Variants in MAGEC3 observed in about 807,000 individuals in gnomAD.
MAGEC3 encodes the protein melanoma-associated antigen C3.
In MAGEC3, 34 loss-of-function variants were observed where a neutral mutation model predicts 35.3. The ratio of observed to expected loss-of-function variants is 0.96; its 90% CI spans 0.73 to 1.28. The LOEUF is 1.28. Among genes scored for constraint, MAGEC3 ranks in the 50% most tolerant of loss-of-function variants. The probability of loss-of-function intolerance (pLI) is 0.00; values close to 1 mark genes in which losing one functional copy is unlikely to be tolerated. For missense variants in MAGEC3, 561 were observed against 483.6 expected (o/e 1.16, Z -1.50); for synonymous variants, 202 against 185.6 (o/e 1.09, Z -0.72).
intron 4 of MAGEC3, among the ~76,000 whole-genome samples, chrX:141,892,473 G>A (rs966861397): frequency 5.4e-5 from 6 of 111,287 alleles, no homozygotes; most frequent in African/African-American, 2.0e-4. Context: ...TGAGGAAACT[G>A]AGTCAGTATG....
At chrX:141,894,633 A>G in intron 4 of MAGEC3, 12 of 965,360 alleles carry the variant, frequency 1.2e-5, no homozygotes, top group Non-Finnish European at 1.6e-5. Context: ...TTCCCACCTC[A>G]TTTCAGACAC....
intron 4 of MAGEC3, among the ~76,000 whole-genome samples, chrX:141,890,563 C>T (rs2018033962): frequency 9.0e-6 from 1 of 111,606 alleles, no homozygotes; most frequent in Admixed American, 9.5e-5. Flanking sequence ...AATAAGGTTG[C>T]CCGTCCCTGC....
chrX:141,880,615 C>T (rs1335412463), intron 3 of MAGEC3: 19 of 378,233 alleles, frequency 5.0e-5, no homozygotes, highest in Non-Finnish European at 1.3e-5. Flanking sequence ...TGAGTGCACG[C>T]CCTGACTGTG....
intron 1 of MAGEC3, among the ~76,000 whole-genome samples, chrX:141,847,783 T>A (rs1248099418): frequency 3.6e-5 from 4 of 110,858 alleles, no homozygotes; most frequent in African/African-American, 6.5e-5. Flanking sequence ...AGTAAATTAA[T>A]CTCAACTTCT....
chrX:141,857,322 A>G (rs925415639), intron 1 of MAGEC3, among the ~76,000 whole-genome samples: 7 of 111,349 alleles, frequency 6.3e-5, no homozygotes, highest in African/African-American at 2.3e-4. Context: ...AGCTAATCAA[A>G]GCTGCTTTTT....
chrX:141,879,176 T>C lies in MAGEC3; in HGVS notation c.260T>C (p.Leu87Pro), dbSNP rs766402447. The C allele has an allele frequency of 1.5e-5, 18 of 1,171,839 alleles. No individual in the cohort carries two copies. The East Asian group carries it at 5.1e-4, about 33-fold the overall frequency. Residue 87 changes from leucine to proline, a missense_variant and splice_region_variant, in exon 3 of 8, where the codon CTC (leucine) becomes CCC (proline). Physicochemically the swap from Leu to Pro is moderately conservative, Grantham distance 98. Coordinates refer to ENST00000298296, the MANE Select transcript of MAGEC3 (RefSeq NM_138702.1). ...CCCTGTCCCTGTGCCTGCTGCCAGCTCTGGAGGACCCTATCAGGGTCCCCA... is the reference window on the plus strand; with the variant it reads ...CCCTGTCCCTGTGCCTGCTGCCAGCCCTGGAGGACCCTATCAGGGTCCCCA... ...SLVLCPTYFK[L>P]WRTLSGSPGL...
At chrX:141,878,086 A>T (rs1024253864) in intron 2 of MAGEC3, among the ~76,000 whole-genome samples, 2 of 112,055 alleles carry the variant, frequency 1.8e-5, no homozygotes, top group African/African-American at 6.5e-5. Context: ...GTACCGGTTG[A>T]TTGAGACATT....
intron 3 of MAGEC3, chrX:141,880,561 A>G (rs2017955013): frequency 6.0e-6 from 2 of 333,040 alleles, no homozygotes; most frequent in Non-Finnish European, 8.7e-6. Flanking sequence ...CACTTCCTAA[A>G]GTCAGCACAG....
chrX:141,864,316 CAAA>C (rs3972654), intron 1 of MAGEC3, among the ~76,000 whole-genome samples: 1 of 32,293 alleles, frequency 3.1e-5, no homozygotes, highest in African/African-American at 8.0e-5. Flanking sequence ...CTCATCTCTA[CAAA>C]AAAAAAAAAA....
chrX:141,850,974 G>T (rs768809120), intron 1 of MAGEC3, among the ~76,000 whole-genome samples: 1 of 110,805 alleles, frequency 9.0e-6, no homozygotes, highest in South Asian at 3.7e-4. Flanking sequence ...CAAAGACCAA[G>T]CTCAGATTAC....
In MAGEC3 at chrX:141,895,365, A is replaced by C; in HGVS notation, c.1006A>C (p.Arg336=). Residue 336 remains arginine, a synonymous_variant, in exon 5 of 8, where the codon AGG becomes CGG. Transcript: ENST00000298296. ...AGCATTTTGCGAGGAGTCTGGACTC[A>C]GGTCAGCAGAGGGAAGCGTCTTAGA... ...PEAFCEESGL[R]SAEGSVLDLA... 4 of 1,210,986 alleles carry C rather than the reference A, an allele frequency of 3.3e-6. No individual in the cohort carries two copies. Among genetic ancestry groups the C allele is most frequent in the Non-Finnish European group, 4.5e-6 (4 of 895,248 alleles).
intron 2 of MAGEC3, among the ~76,000 whole-genome samples, chrX:141,875,307 A>G (rs1193053026): frequency 8.9e-6 from 1 of 111,736 alleles, no homozygotes; most frequent in Non-Finnish European, 1.9e-5. Context: ...CTATAGCAAA[A>G]AAGTCACATT....
In MAGEC3 at chrX:141,865,846, A is replaced by T. The variant is rs759561241; in HGVS notation, c.258+241A>T. On this transcript the variant is annotated intron_variant, in intron 2 of 7. Coordinates refer to ENST00000298296, the MANE Select transcript of MAGEC3 (RefSeq NM_138702.1). ...AGGTGAGAATGCAGAGAAAGGACAAAGATAGCCTTCCTCTATAGATGGACT... is the reference window on the plus strand; with the variant it reads ...AGGTGAGAATGCAGAGAAAGGACAATGATAGCCTTCCTCTATAGATGGACT... 8.3e-3 allele frequency among the ~76,000 whole-genome samples: 932 copies of T among 111,930 alleles called. 8 individuals are homozygous for T. The highest frequency in any genetic ancestry group is 0.029 in the African/African-American group (887 of 30,786).
At position 141,879,438 on chromosome X, in the gene MAGEC3, A is replaced by G. The variant is rs758164862; in HGVS notation, c.515+7A>G. 8.5e-7 allele frequency: 1 copy of G among 1,169,972 alleles called. No individual in the cohort carries two copies. On this transcript the variant is annotated splice_region_variant and intron_variant, in intron 3 of 7. Transcript: ENST00000298296. ...GGGGGGAGAAAGCGGGGAGGTGGGC[A>G]GGGAAATATGGACGAGGGCTTTGAA... is the stretch of plus-strand genomic sequence containing the variant.
At chrX:141,890,756 T>G (rs2018035865) in intron 4 of MAGEC3, among the ~76,000 whole-genome samples, 2 of 111,923 alleles carry the variant, frequency 1.8e-5, no homozygotes, top group African/African-American at 6.5e-5. Flanking sequence ...GAGCAACAGC[T>G]TATGGGAGAG....
intron 1 of MAGEC3, among the ~76,000 whole-genome samples, chrX:141,855,465 A>G (rs140023287): frequency 2.1e-3 from 230 of 111,735 alleles, no homozygotes; most frequent in African/African-American, 6.9e-3. Context: ...TACACTCAAG[A>G]ACATCTAGAC....
intron 1 of MAGEC3, among the ~76,000 whole-genome samples, chrX:141,852,959 C>T (rs1275283622): frequency 4.5e-5 from 5 of 111,377 alleles, no homozygotes; most frequent in African/African-American, 1.6e-4. Context: ...TTCTACTTTA[C>T]AAACTATTTT....
chrX:141,896,491 T>C, intron 6 of MAGEC3: 1 of 1,182,391 alleles, frequency 8.5e-7, no homozygotes, highest in South Asian at 2.0e-5. Flanking sequence ...GAGCACCACC[T>C]TAAGAGAAGA....
rs1483193980 is a variant in MAGEC3 at position 141,880,804 on chromosome X, C to T, written c.516-599C>T. ...TAGGATGGCAGGTGACCCGTGAGGC[C>T]CTAGAGCACCACCTTAAGAGAAGAA... On this transcript the variant is annotated intron_variant, in intron 3 of 7. Coordinates refer to ENST00000298296, the MANE Select transcript of MAGEC3 (RefSeq NM_138702.1). 3 of 1,078,811 alleles carry T rather than the reference C, an allele frequency of 2.8e-6. No individual in the cohort carries two copies. The Admixed American group carries it at 6.7e-5, about 24-fold the overall frequency. The allele number at this position is 1,078,811 out of a possible 1,213,427, so 88.9% of individuals were successfully genotyped here.
Sources: allele counts gnomAD v4.1 joint callset (sites outside exome capture counted in the v4.1 genomes callset), GRCh38; gene constraint gnomAD v4.1.1; transcripts MANE v1.5; gene names NCBI Gene and HGNC (gene_info 2026-07-23, HGNC 2026-07-21).